The following XKR6 variants were observed in gnomAD, a reference collection of about 807,000 sequenced individuals.
XKR6 encodes XK-related protein 6.
XKR6 carries 22 observed loss-of-function variants against 56.7 expected under a neutral mutation model. The observed-to-expected ratio is 0.39, with a 90% CI of 0.28 to 0.55. The LOEUF is 0.55. Ranked by LOEUF, XKR6 falls within the 20% of genes least tolerant of loss-of-function variation. XKR6 has a pLI of 0.66. For missense variants in XKR6, 852 were observed against 889.0 expected (o/e 0.96, Z 0.53); for synonymous variants, 524 against 387.8 (o/e 1.35, Z -4.13).
chr8:11,081,634 T>G (rs183733980), intron 1 of XKR6, among the ~76,000 whole-genome samples: 173 of 152,204 alleles, frequency 1.1e-3, no homozygotes, highest in Middle Eastern at 3.4e-3. Context: ...CCTGAATTCT[T>G]CTTCCTTTCC....
chr8:10,920,147 A>T (rs1469140131), intron 2 of XKR6, among the ~76,000 whole-genome samples: 1 of 152,204 alleles, frequency 6.6e-6, no homozygotes, highest in Non-Finnish European at 1.5e-5. Context: ...AGCATCTACT[A>T]GCCCTAATGG....
chr8:11,085,468 A>ATG (rs140010745), intron 1 of XKR6, among the ~76,000 whole-genome samples: 7 of 151,362 alleles, frequency 4.6e-5, no homozygotes, highest in Admixed American at 2.0e-4. Flanking sequence ...ATGTATGTGC[A>ATG]TGTGTGTGTG....
intron 1 of XKR6, chr8:11,138,433 T>TAC (rs1800515850): frequency 6.6e-6 from 1 of 152,232 alleles, no homozygotes; most frequent in Admixed American, 6.5e-5. Flanking sequence ...ATACTGTAGG[T>TAC]ACCCAAACTG....
intron 1 of XKR6, among the ~76,000 whole-genome samples, chr8:11,165,787 G>A (rs563267222): frequency 8.1e-4 from 123 of 152,204 alleles, no homozygotes; most frequent in African/African-American, 2.4e-3. Context: ...TTCTTGTTGA[G>A]ATGATCATTT....
At chr8:11,011,797 A>G (rs1236140562) in intron 1 of XKR6, among the ~76,000 whole-genome samples, 2 of 152,226 alleles carry the variant, frequency 1.3e-5, no homozygotes, top group African/African-American at 4.8e-5. Context: ...TATTTCAGGC[A>G]GAAGCCATTG....
intron 1 of XKR6, among the ~76,000 whole-genome samples, chr8:10,967,482 C>T (rs1033233829): frequency 6.6e-6 from 1 of 152,216 alleles, no homozygotes; most frequent in Admixed American, 6.5e-5. Flanking sequence ...AGAGGCTGTA[C>T]AGGAGCCAAG....
At chr8:11,023,768 T>G (rs1798797922) in intron 1 of XKR6, among the ~76,000 whole-genome samples, 1 of 152,180 alleles carries the variant, frequency 6.6e-6, no homozygotes, top group African/African-American at 2.4e-5. Context: ...TGCGGATCAT[T>G]TCTCACCTGC....
chr8:10,928,534 T>G (rs1302009270), intron 1 of XKR6, among the ~76,000 whole-genome samples: 2 of 152,228 alleles, frequency 1.3e-5, no homozygotes. Context: ...GGGTGACCTC[T>G]GAGGCTGCGC....
chr8:11,041,127 G>A (rs1236598910), intron 1 of XKR6, among the ~76,000 whole-genome samples: 6 of 152,110 alleles, frequency 3.9e-5, no homozygotes, highest in East Asian at 1.9e-4. Context: ...CCACTGAGAC[G>A]TTAGGGACAG....
chr8:11,182,317 G>A (rs1326351157), intron 1 of XKR6, among the ~76,000 whole-genome samples: 1 of 152,116 alleles, frequency 6.6e-6, no homozygotes, highest in Admixed American at 6.5e-5. Context: ...TTCCTTTATT[G>A]GAATAATTTC....
chr8:10,957,210 T>C (rs1801916075), intron 1 of XKR6, among the ~76,000 whole-genome samples: 2 of 152,256 alleles, frequency 1.3e-5, no homozygotes, highest in South Asian at 4.1e-4. Flanking sequence ...TTCGGCCTCC[T>C]GAAATGCTGG....
intron 2 of XKR6, 106 bp downstream of exon 2, chr8:10,924,528 G>A: frequency 1.5e-6 from 2 of 1,376,216 alleles, no homozygotes; most frequent in South Asian, 1.4e-5. Context: ...AGGGCAGGAT[G>A]GGCAATGCCC....
chr8:11,050,905 C>T (rs574082963), intron 1 of XKR6, among the ~76,000 whole-genome samples: 4 of 152,296 alleles, frequency 2.6e-5, no homozygotes, highest in East Asian at 1.9e-4. Context: ...CCCTCATCCT[C>T]AGAATAACAG....
At chr8:11,009,444 T>C (rs571200365) in intron 1 of XKR6, among the ~76,000 whole-genome samples, 52 of 152,204 alleles carry the variant, frequency 3.4e-4, no homozygotes, top group Non-Finnish European at 5.6e-4. Context: ...CTGGGGAAGT[T>C]GAGGCTGCAG....
intron 1 of XKR6, among the ~76,000 whole-genome samples, chr8:11,155,024 G>C (rs1442988668): frequency 6.6e-6 from 1 of 152,206 alleles, no homozygotes; most frequent in East Asian, 1.9e-4. Flanking sequence ...TATTATCCGA[G>C]CTGCGTTAGA....
intron 1 of XKR6, among the ~76,000 whole-genome samples, chr8:11,176,528 A>C (rs1419460507): frequency 6.6e-6 from 1 of 152,172 alleles, no homozygotes. Context: ...TATATTTTTA[A>C]AGAAATTATG....
intron 1 of XKR6, among the ~76,000 whole-genome samples, chr8:11,193,861 A>G (rs1313616379): frequency 6.6e-6 from 1 of 151,878 alleles, no homozygotes; most frequent in Non-Finnish European, 1.5e-5. Flanking sequence ...AATTTTAAAC[A>G]GATTACAAAA....
chr8:10,947,132 C>A (rs1460543091), intron 1 of XKR6, among the ~76,000 whole-genome samples: 1 of 152,106 alleles, frequency 6.6e-6, no homozygotes, highest in Admixed American at 6.5e-5. Flanking sequence ...ACAGTAGTCC[C>A]AGTGACTACG....
chr8:11,192,201 G>A (rs1803618822), intron 1 of XKR6, among the ~76,000 whole-genome samples: 2 of 151,540 alleles, frequency 1.3e-5, no homozygotes, highest in East Asian at 2.0e-4. Flanking sequence ...CTCTGTCACT[G>A]AGGCTGCAGT....
Sources: gnomAD v4.1 joint callset for allele counts (sites outside exome capture counted in the v4.1 genomes callset) on GRCh38, gnomAD v4.1.1 for gene constraint, MANE v1.5 for transcripts, NCBI Gene and HGNC (gene_info 2026-07-23, HGNC 2026-07-21) for gene names.